Variants in IL22RA1 observed in about 807,000 individuals in gnomAD.
IL22RA1 encodes the protein interleukin 22 receptor subunit alpha 1, also known as interleukin-22 receptor subunit alpha-1.
In IL22RA1, 25 loss-of-function variants were observed where a neutral mutation model predicts 32.8. The ratio of observed to expected loss-of-function variants is 0.76; its 90% confidence interval spans 0.55 to 1.06. IL22RA1 has a LOEUF of 1.06. Ranked by LOEUF, IL22RA1 falls within the 50% of genes least tolerant of loss-of-function variation. IL22RA1 has a pLI of 0.00. For missense variants in IL22RA1, 709 were observed against 727.4 expected (o/e 0.97, Z 0.29); for synonymous variants, 305 against 305.0 (o/e 1.00, Z 0.00).
intron 5 of IL22RA1, 194 bp from the exon 6 acceptor site, chr1:24,123,617 T>C: frequency 3.2e-6 from 4 of 1,250,218 alleles, no homozygotes; most frequent in Non-Finnish European, 4.2e-6. Flanking sequence ...TTACAAATTA[T>C]ATTTTTACAC....
rs148516044 is a variant in IL22RA1, at chr1:24,137,255, C to A, written c.231G>T (p.Lys77Asn). The A allele has an allele frequency of 6.2e-7, 1 of 1,614,166 alleles. No homozygotes were observed. Among genetic ancestry groups the A allele is most frequent in the South Asian group, 1.1e-5 (1 of 91,078 alleles). Residue 77 changes from lysine (K) to asparagine (N), a missense_variant, in exon 3 of 7, where the codon AAG becomes AAT. By Grantham distance (94) the Lys-to-Asn change is moderately conservative. Coordinates refer to ENST00000270800, the MANE Select transcript of IL22RA1 (RefSeq NM_021258.4). ...CCGTCTCCACCGTCAGGTTGCAGGA[C>A]TTCCGGGTGATCCGCTGACAGCCCT... ...AKKGCQRITR[K>N]SCNLTVETGN...
intron 1 of IL22RA1, among the ~76,000 whole-genome samples, chr1:24,141,176 C>T (rs911057794): frequency 5.3e-5 from 8 of 152,326 alleles, no homozygotes; most frequent in South Asian, 2.1e-4. Flanking sequence ...ACTGCCTCTA[C>T]GCAAGGTGAC....
At position 24,143,100 on chromosome 1, in the gene IL22RA1, C is replaced by T; in HGVS notation, c.-18G>A. On this transcript the variant is annotated 5_prime_UTR_variant, in exon 1 of 7. Coordinates refer to ENST00000270800, the MANE Select transcript of IL22RA1 (RefSeq NM_021258.4). ...GTCCTCATCGGGGCTGGCACAGAGCCCTCCCTTGGCCTCTACTCTGCCGTG... is the reference window on the plus strand; with the variant it reads ...GTCCTCATCGGGGCTGGCACAGAGCTCTCCCTTGGCCTCTACTCTGCCGTG... 1.9e-6 allele frequency: 3 copies of T among 1,609,908 alleles called. No individual in the cohort carries two copies. The highest frequency in any genetic ancestry group is 1.7e-6 in the Non-Finnish European group (2 of 1,178,142).
At chr1:24,126,338 G>C (rs938063122) in intron 5 of IL22RA1, among the ~76,000 whole-genome samples, 1 of 152,224 alleles carries the variant, frequency 6.6e-6, no homozygotes, top group South Asian at 2.1e-4. Flanking sequence ...TCTCTTGTGG[G>C]CTGTTTGGAA....
At chr1:24,133,706 GAGA>G (rs1226145815) in intron 4 of IL22RA1, among the ~76,000 whole-genome samples, 3 of 152,138 alleles carry the variant, frequency 2.0e-5, no homozygotes, top group Non-Finnish European at 4.4e-5. Context: ...CCCAGGATGT[GAGA>G]AGGTGTTAAA....
chr1:24,123,368 G>C lies in IL22RA1; in HGVS notation c.726C>G (p.Leu242=). 6.2e-7 allele frequency: 1 copy of C among 1,614,066 alleles called. No individual in the cohort carries two copies. Residue 242 remains leucine (L), a synonymous_variant, in exon 6 of 7, where the codon CTC becomes CTG. Coordinates refer to ENST00000270800, the MANE Select transcript of IL22RA1 (RefSeq NM_021258.4). ...AGCTCAGGTAGCAGAGTACTGCGAC[G>C]AGGAAGCCCATGGAGAACAGGAAGG... ...SGAFLFSMGF[L]VAVLCYLSYR... is the part of the protein sequence containing the mutation.
chr1:24,133,740 A>G (rs944259783), intron 4 of IL22RA1, among the ~76,000 whole-genome samples: 3 of 152,208 alleles, frequency 2.0e-5, no homozygotes, highest in Non-Finnish European at 4.4e-5. Context: ...TGTAAATATT[A>G]TGCAAAAAAA....
At position 24,138,586 on chromosome 1, in the gene IL22RA1, T is replaced by C. The variant is rs1428500532; in HGVS notation, c.172A>G (p.Lys58Glu). ...GGGGTCAAGAGAGAAGCCTACGTCTTATACTCGATGCTGTAGACCGTGTCT... is the reference window on the plus strand; with the variant it reads ...GGGGTCAAGAGAGAAGCCTACGTCTCATACTCGATGCTGTAGACCGTGTCT... ...TPDTVYSIEY[K>E]TYGERDWVAK... The change falls in exon 2 of 7, where the codon AAG (lysine) becomes GAG (glutamate). Residue 58 changes from lysine to glutamate, a missense_variant. Coordinates refer to ENST00000270800, the MANE Select transcript of IL22RA1 (RefSeq NM_021258.4). 3 of 1,613,996 alleles carry C rather than the reference T, an allele frequency of 1.9e-6. No individual in the cohort carries two copies. Among genetic ancestry groups the C allele is most frequent in the Admixed American group, 1.7e-5 (1 of 60,002 alleles).
chr1:24,134,557 C>G (rs188594269), intron 3 of IL22RA1, among the ~76,000 whole-genome samples, 171 bp from the exon 4 acceptor site: 1 of 152,136 alleles, frequency 6.6e-6, no homozygotes, highest in Non-Finnish European at 1.5e-5. Context: ...AAAGTTTCTA[C>G]AAGCCCTGGT....
chr1:24,142,908 A>AC, intron 1 of IL22RA1, 132 bp downstream of exon 1: 1 of 851,660 alleles, frequency 1.2e-6, no homozygotes, highest in Non-Finnish European at 1.9e-6. Context: ...AACACCCGGC[A>AC]CCCTGCTCAG....
At chr1:24,142,738 A>G (rs1183968039) in intron 1 of IL22RA1, among the ~76,000 whole-genome samples, 1 of 152,130 alleles carries the variant, frequency 6.6e-6, no homozygotes, top group Non-Finnish European at 1.5e-5. Flanking sequence ...CTCCAGGCCA[A>G]TTCTCCATTC....
intron 1 of IL22RA1, among the ~76,000 whole-genome samples, chr1:24,140,288 G>A (rs758994812): frequency 9.9e-5 from 15 of 152,222 alleles, no homozygotes; most frequent in African/African-American, 2.7e-4. Flanking sequence ...GTTGTGGGGC[G>A]GATAGAGCGG....
At chr1:24,126,224 T>C (rs1644160730) in intron 5 of IL22RA1, among the ~76,000 whole-genome samples, 1 of 152,266 alleles carries the variant, frequency 6.6e-6, no homozygotes, top group African/African-American at 2.4e-5. Context: ...TAGCAGCCTT[T>C]GCCCCAGGAA....
Position 24,137,324 on chromosome 1 carries a change from G to A in IL22RA1, c.177-15C>T. The stretch of plus-strand genomic sequence containing the variant: ...TCTCTCCGTACCTGCAGGTCAGGAA[G>A]GGGCCAAGTCACCGTGGTGATGAAA... On this transcript the variant is annotated splice_polypyrimidine_tract_variant and intron_variant, in intron 2 of 6. Transcript: ENST00000270800. 1 of 1,610,938 alleles carries A rather than the reference G, an allele frequency of 6.2e-7. No homozygotes were observed. Among genetic ancestry groups the A allele is most frequent in the Non-Finnish European group, 8.5e-7 (1 of 1,177,540 alleles).
intron 4 of IL22RA1, among the ~76,000 whole-genome samples, chr1:24,129,933 G>T (rs1203185432): frequency 3.3e-5 from 5 of 152,056 alleles, no homozygotes; most frequent in Non-Finnish European, 7.4e-5. Flanking sequence ...CTCCATCCTG[G>T]TTCAGGCCCT....
intron 5 of IL22RA1, among the ~76,000 whole-genome samples, chr1:24,127,815 T>C (rs932825733): frequency 6.6e-6 from 1 of 152,222 alleles, no homozygotes; most frequent in Non-Finnish European, 1.5e-5. Context: ...TTTTATCTTC[T>C]CTGCTTCCCC....
At chr1:24,138,471 GT>G (rs1318917739) in intron 2 of IL22RA1, 110 bp downstream of exon 2, 2 of 1,173,956 alleles carry the variant, frequency 1.7e-6, no homozygotes, top group African/African-American at 3.0e-5. Context: ...GAGGGGCTAT[GT>G]GACACCAGTC....
At chr1:24,131,768 T>A (rs988930828) in intron 4 of IL22RA1, among the ~76,000 whole-genome samples, 2 of 152,202 alleles carry the variant, frequency 1.3e-5, no homozygotes, top group African/African-American at 4.8e-5. Context: ...CACCTTTACC[T>A]AATTGATATT....
chr1:24,119,845 A>T lies in IL22RA1; in HGVS notation c.*960T>A, dbSNP rs1644107097. ...CACTTTAAAGACATGACTTCATTTCATCTTCACCACAACTCCATGAGGTAG... is the reference window on the plus strand; with the variant it reads ...CACTTTAAAGACATGACTTCATTTCTTCTTCACCACAACTCCATGAGGTAG... On this transcript the variant is annotated 3_prime_UTR_variant, in exon 7 of 7. Coordinates refer to ENST00000270800, the MANE Select transcript of IL22RA1 (RefSeq NM_021258.4). 6.6e-6 allele frequency: 1 copy of T among 152,254 alleles called. No homozygotes were observed. Among genetic ancestry groups the T allele is most frequent in the African/African-American group, 2.4e-5 (1 of 41,462 alleles). 9.4% of individuals were successfully genotyped at this position (152,254 alleles called of 1,614,324 possible).
Sources: allele counts gnomAD v4.1 joint callset (sites outside exome capture counted in the v4.1 genomes callset), GRCh38; gene constraint gnomAD v4.1.1; transcripts MANE v1.5; gene names NCBI Gene and HGNC (gene_info 2026-07-23, HGNC 2026-07-21).